OPCML: variants seen among roughly 807,000 people sequenced by gnomAD.
OPCML encodes opioid-binding protein/cell adhesion molecule.
In OPCML, 13 loss-of-function variants were observed where a neutral mutation model predicts 37.8. That is an observed-to-expected ratio of 0.34 (90% CI 0.22 to 0.55). The LOEUF (loss-of-function observed/expected upper bound fraction) is 0.55, where lower values mean the gene tolerates loss of function less well. Among genes scored for constraint, OPCML ranks in the 20% least tolerant of loss-of-function variants. The pLI, the probability that OPCML is intolerant of heterozygous loss-of-function variation, is 0.91. For missense variants in OPCML, 341 were observed against 435.6 expected (o/e 0.78, Z 1.93); for synonymous variants, 176 against 168.8 (o/e 1.04, Z -0.33).
At chr11:133,510,897 ACACACG>A (rs1555168907) in intron 1 of OPCML, among the ~76,000 whole-genome samples, 8 of 149,990 alleles carry the variant, frequency 5.3e-5, no homozygotes, top group African/African-American at 1.8e-4. Flanking sequence ...ACACACACAC[ACACACG>A]CACACACACA....
intron 2 of OPCML, among the ~76,000 whole-genome samples, chr11:132,880,350 T>G (rs781221727): frequency 1.3e-5 from 2 of 152,182 alleles, no homozygotes. Context: ...TGCCTATATC[T>G]CTTCTGGGTC....
chr11:133,496,875 A>G (rs955928670), intron 1 of OPCML, among the ~76,000 whole-genome samples: 3 of 152,234 alleles, frequency 2.0e-5, no homozygotes, highest in Non-Finnish European at 2.9e-5. Context: ...CTCTTTACCA[A>G]TTTGGATGGC....
At chr11:132,801,045 T>C (rs1938620261) in intron 2 of OPCML, among the ~76,000 whole-genome samples, 1 of 152,226 alleles carries the variant, frequency 6.6e-6, no homozygotes, top group Non-Finnish European at 1.5e-5. Context: ...ATGGATAGTT[T>C]TTAGATTACT....
intron 1 of OPCML, among the ~76,000 whole-genome samples, chr11:133,183,202 G>T (rs1363109265): frequency 6.6e-6 from 1 of 152,160 alleles, no homozygotes; most frequent in Non-Finnish European, 1.5e-5. Flanking sequence ...AATAAAATCT[G>T]TTTTTAGCTT....
intron 2 of OPCML, among the ~76,000 whole-genome samples, chr11:132,862,030 T>A (rs1284685833): frequency 6.6e-6 from 1 of 152,128 alleles, no homozygotes; most frequent in African/African-American, 2.4e-5. Context: ...TTAGCAAACA[T>A]CTTCAATTTG....
chr11:132,708,495 T>C (rs982176604), intron 2 of OPCML, among the ~76,000 whole-genome samples: 16 of 152,230 alleles, frequency 1.1e-4, no homozygotes, highest in Non-Finnish European at 1.2e-4. Flanking sequence ...GAACAATCCT[T>C]ATTATTACTT....
At chr11:132,957,903 C>G (rs1459082617) in intron 1 of OPCML, among the ~76,000 whole-genome samples, 1 of 152,140 alleles carries the variant, frequency 6.6e-6, no homozygotes, top group African/African-American at 2.4e-5. Flanking sequence ...CTCCCTGTTC[C>G]CTGAGACACA....
At chr11:132,880,541 G>A (rs1437906846) in intron 2 of OPCML, among the ~76,000 whole-genome samples, 1 of 152,256 alleles carries the variant, frequency 6.6e-6, no homozygotes, top group Non-Finnish European at 1.5e-5. Context: ...ACTGGGCCCA[G>A]TGGCTTGCGG....
chr11:132,856,356 A>G (rs1942054685), intron 2 of OPCML, among the ~76,000 whole-genome samples: 1 of 152,186 alleles, frequency 6.6e-6, no homozygotes, highest in African/African-American at 2.4e-5. Context: ...AAACAGTCAC[A>G]CTGTTTTCCA....
chr11:133,140,513 A>AAATAATAAT (rs377272496), intron 1 of OPCML, among the ~76,000 whole-genome samples: 4,042 of 95,592 alleles, frequency 0.042, 159 homozygotes, highest in African/African-American at 0.069. Context: ...CTCTGTCTCA[A>AAATAATAAT]AATAATAATA....
chr11:133,154,274 C>A lies in OPCML; in HGVS notation c.62-211264G>T, dbSNP rs181672989. Among the ~76,000 whole-genome samples, 585 of 151,922 alleles carry A rather than the reference C, an allele frequency of 3.9e-3. 3 individuals are homozygous for A. The highest frequency in any genetic ancestry group is 0.013 in the African/African-American group (556 of 41,444). ...CATGAGCAGGCTGACCTGACCCTGGCCCCCCGCAAAAAGCCACAAAATGAG... is the reference window on the plus strand; with the variant it reads ...CATGAGCAGGCTGACCTGACCCTGGACCCCCGCAAAAAGCCACAAAATGAG... On this transcript the variant is annotated intron_variant, in intron 1 of 7. Coordinates refer to ENST00000524381, the MANE Select transcript of OPCML (RefSeq NM_001012393.5).
At chr11:133,230,558 G>C (rs1348270669) in intron 1 of OPCML, among the ~76,000 whole-genome samples, 2 of 152,158 alleles carry the variant, frequency 1.3e-5, no homozygotes, top group Non-Finnish European at 2.9e-5. Context: ...AACTTTCTTA[G>C]TTTATGAAGT....
intron 1 of OPCML, among the ~76,000 whole-genome samples, chr11:133,431,227 A>G (rs1289948752): frequency 2.0e-5 from 3 of 152,196 alleles, no homozygotes; most frequent in Admixed American, 6.5e-5. Context: ...GCTAAATCCT[A>G]GTTAAACGTC....
At chr11:132,973,316 C>T (rs1946383171) in intron 1 of OPCML, among the ~76,000 whole-genome samples, 2 of 152,146 alleles carry the variant, frequency 1.3e-5, no homozygotes, top group South Asian at 4.1e-4. Flanking sequence ...TCAGACATCC[C>T]ATGCTTATAC....
intron 2 of OPCML, among the ~76,000 whole-genome samples, chr11:132,862,332 G>C (rs926746292): frequency 1.3e-5 from 2 of 152,104 alleles, no homozygotes; most frequent in African/African-American, 2.4e-5. Flanking sequence ...TGCATCATCT[G>C]TTTCCAATTT....
intron 2 of OPCML, among the ~76,000 whole-genome samples, chr11:132,809,212 T>G (rs754528927): frequency 6.6e-6 from 1 of 152,190 alleles, no homozygotes; most frequent in African/African-American, 2.4e-5. Context: ...AGAAGCAGCA[T>G]ACGTGGCTCA....
intron 1 of OPCML, among the ~76,000 whole-genome samples, chr11:133,377,631 C>G (rs1240102294): frequency 1.8e-5 from 1 of 55,252 alleles, no homozygotes; most frequent in Non-Finnish European, 3.8e-5. Context: ...AAAAAAAGAG[C>G]ACCAAGTCCA....
chr11:133,492,254 CT>C (rs1357576198), intron 1 of OPCML, among the ~76,000 whole-genome samples: 40 of 152,196 alleles, frequency 2.6e-4, no homozygotes, highest in African/African-American at 9.2e-4. Flanking sequence ...CCCCACCGCA[CT>C]GGGTCCTGCT....
intron 2 of OPCML, among the ~76,000 whole-genome samples, chr11:132,693,983 T>G (rs1943504735): frequency 6.6e-6 from 1 of 152,156 alleles, no homozygotes; most frequent in South Asian, 2.1e-4. Flanking sequence ...TTCTAGTTTA[T>G]TATACCAGAT....
Sources: gnomAD v4.1 joint callset for allele counts (sites outside exome capture counted in the v4.1 genomes callset) on GRCh38, gnomAD v4.1.1 for gene constraint, MANE v1.5 for transcripts, NCBI Gene and HGNC (gene_info 2026-07-23, HGNC 2026-07-21) for gene names.